Variants in PLCB4 observed in about 807,000 individuals in gnomAD.
The protein encoded by PLCB4 is phospholipase C beta 4, also known as 1-phosphatidylinositol 4,5-bisphosphate phosphodiesterase beta-4.
PLCB4 carries 77 observed loss-of-function variants against 178.8 expected under a neutral mutation model. That is an observed-to-expected ratio of 0.43 (90% CI 0.36 to 0.52). The LOEUF is 0.52. PLCB4 is among the 20% of genes least tolerant of loss of function. PLCB4 has a pLI of 0.00. For missense variants in PLCB4, 1,024 were observed against 1,453.4 expected, an observed-to-expected ratio of 0.70 and a Z score of 4.80; for synonymous variants, 496 against 490.8, an observed-to-expected ratio of 1.01 and a Z score of -0.14.
chr20:9,444,679 T>C (rs1415152988), intron 32 of PLCB4, among the ~76,000 whole-genome samples: 1 of 152,106 alleles, frequency 6.6e-6, no homozygotes, highest in African/African-American at 2.4e-5. Context: ...GGAGAATCGC[T>C]TTAACCCGGG....
At chr20:9,229,656 A>C (rs532888610) in intron 3 of PLCB4, among the ~76,000 whole-genome samples, 22 of 152,186 alleles carry the variant, frequency 1.4e-4, no homozygotes, top group African/African-American at 5.1e-4. Flanking sequence ...ATCTAAAAAC[A>C]GTTTTTACAA....
chr20:9,372,549 A>T lies in PLCB4; in HGVS notation c.686+146A>T, dbSNP rs2036342467. On this transcript the variant is annotated intron_variant, in intron 11 of 39. Coordinates refer to ENST00000378473, the MANE Select transcript of PLCB4 (RefSeq NM_001377142.1). ...GGTTACATTTTTAACCCCATACTTT[A>T]TCAGTGTAAAAGTTCACTCTGAGTT... 5.6e-6 allele frequency: 3 copies of T among 531,208 alleles called. No individual in the cohort carries two copies. In the South Asian group the frequency reaches 8.2e-5, roughly 15 times the overall value. The allele number at this position is 531,208 out of a possible 1,614,324, so 32.9% of individuals were successfully genotyped here.
intron 36 of PLCB4, among the ~76,000 whole-genome samples, chr20:9,471,580 G>A (rs2044193135): frequency 6.6e-6 from 1 of 152,142 alleles, no homozygotes; most frequent in African/African-American, 2.4e-5. Context: ...GACTGAAAAT[G>A]GAGAAAACCT....
chr20:9,310,095 C>T (rs1042216401), intron 4 of PLCB4, among the ~76,000 whole-genome samples: 2 of 152,168 alleles, frequency 1.3e-5, no homozygotes, highest in African/African-American at 4.8e-5. Context: ...AGCTGGATGA[C>T]AGCCAGTTTA....
At chr20:9,106,859 T>C (rs958468104) in intron 2 of PLCB4, among the ~76,000 whole-genome samples, 13 of 152,226 alleles carry the variant, frequency 8.5e-5, no homozygotes, top group African/African-American at 3.1e-4. Context: ...TTATTTATCC[T>C]AACATCTTTG....
rs141615789 is a variant in PLCB4, at chr20:9,120,508, A to G, written c.-79+24166A>G. 1.2e-4 allele frequency among the ~76,000 whole-genome samples: 19 copies of G among 152,126 alleles called. No individual in the cohort carries two copies. In the East Asian group the frequency reaches 3.7e-3, roughly 30 times the overall value. ...TTGCCATCTCCCCTTCTCTCTCTTT[A>G]TAGTGAGTAATTACTAGTTGCTCTG... On this transcript the variant is annotated intron_variant, in intron 2 of 39. Transcript: ENST00000378473.
intron 2 of PLCB4, among the ~76,000 whole-genome samples, chr20:9,176,227 A>G (rs1197712916): frequency 6.6e-6 from 1 of 152,190 alleles, no homozygotes; most frequent in Non-Finnish European, 1.5e-5. Flanking sequence ...TTGTGTGCAC[A>G]TACTACCACT....
chr20:9,232,662 A>C (rs964832150), intron 3 of PLCB4, among the ~76,000 whole-genome samples: 5 of 152,140 alleles, frequency 3.3e-5, no homozygotes, highest in Non-Finnish European at 5.9e-5. Context: ...TCAACATTTG[A>C]TGCAGTGCAA....
chr20:9,340,895 T>C (rs73095749), intron 7 of PLCB4, among the ~76,000 whole-genome samples: 10,144 of 152,210 alleles, frequency 0.067, 364 homozygotes, highest in Middle Eastern at 0.095. Flanking sequence ...TGAAAGCCCT[T>C]AATATGTGTT....
intron 5 of PLCB4, 67 bp downstream of exon 5, chr20:9,337,273 G>A: frequency 9.5e-7 from 1 of 1,054,730 alleles, no homozygotes; most frequent in Non-Finnish European, 1.5e-6. Flanking sequence ...TTCTCAACAA[G>A]TAGACTGAGT....
chr20:9,372,779 AAAT>A (rs1400696917), intron 11 of PLCB4, among the ~76,000 whole-genome samples: 1 of 150,628 alleles, frequency 6.6e-6, no homozygotes, highest in Non-Finnish European at 1.5e-5. Flanking sequence ...GTTGTTTTTG[AAAT>A]AATATCTTTT....
intron 2 of PLCB4, among the ~76,000 whole-genome samples, chr20:9,181,654 T>C (rs1600950048): frequency 6.6e-6 from 1 of 152,072 alleles, no homozygotes; most frequent in East Asian, 1.9e-4. Flanking sequence ...TCTGTTCTTT[T>C]ATAATGCTGT....
rs548265989 is a variant in PLCB4 at position 9,455,927 on chromosome 20, C to A, written c.2997-1487C>A. 3.3e-5 allele frequency among the ~76,000 whole-genome samples: 5 copies of A among 152,252 alleles called. No homozygotes were observed. The East Asian group carries it at 9.7e-4, about 29-fold the overall frequency. ...CTTGGCCCAATGCAACCTCCGCCTC[C>A]CAGGTTCAAGCAATCGTCCTGCCTC... On this transcript the variant is annotated intron_variant, in intron 33 of 39. Coordinates refer to ENST00000378473, the MANE Select transcript of PLCB4 (RefSeq NM_001377142.1).
intron 4 of PLCB4, among the ~76,000 whole-genome samples, chr20:9,310,803 T>C (rs939672760): frequency 3.3e-5 from 5 of 152,198 alleles, no homozygotes; most frequent in Non-Finnish European, 7.3e-5. Context: ...GTTTTAAAAA[T>C]AGTCAATAAA....
intron 3 of PLCB4, among the ~76,000 whole-genome samples, chr20:9,274,152 C>A (rs2094431661): frequency 6.6e-6 from 1 of 151,970 alleles, no homozygotes; most frequent in Non-Finnish European, 1.5e-5. Flanking sequence ...TTGCTCCAGG[C>A]CAGTTTTTCA....
intron 2 of PLCB4, among the ~76,000 whole-genome samples, chr20:9,145,027 A>C (rs1274125161): frequency 6.6e-6 from 1 of 152,142 alleles, no homozygotes; most frequent in East Asian, 1.9e-4. Flanking sequence ...TCAGAGATGA[A>C]GGCTTTTTTG....
intron 3 of PLCB4, among the ~76,000 whole-genome samples, chr20:9,286,637 A>G (rs2094538805): frequency 2.0e-5 from 3 of 152,052 alleles, no homozygotes; most frequent in African/African-American, 7.2e-5. Context: ...TACTACATCT[A>G]GGTTCAAATA....
rs553969151 is a variant in PLCB4 at position 9,287,275 on chromosome 20, C to G, written c.-15-20525C>G. 1.4e-4 allele frequency among the ~76,000 whole-genome samples: 22 copies of G among 152,098 alleles called. 1 individual carries two copies. The highest frequency in any genetic ancestry group is 8.3e-4 in the South Asian group (4 of 4,818). ...GGCATTTCTCTGTTTAATCATCACT[C>G]AACTCATGGATGAAAGTATTAGGAA... On this transcript the variant is annotated intron_variant, in intron 3 of 39. Transcript: ENST00000378473.
At chr20:9,219,240 C>T (rs1009726500) in intron 3 of PLCB4, among the ~76,000 whole-genome samples, 22 of 152,246 alleles carry the variant, frequency 1.4e-4, no homozygotes, top group African/African-American at 4.8e-4. Context: ...GAGGCCGAGG[C>T]GGGTGGATCA....
Sources: allele counts gnomAD v4.1 joint callset (sites outside exome capture counted in the v4.1 genomes callset), GRCh38; gene constraint gnomAD v4.1.1; transcripts MANE v1.5; gene names NCBI Gene and HGNC (gene_info 2026-07-23, HGNC 2026-07-21).